The following RALYL variants were observed in gnomAD, a reference collection of about 807,000 sequenced individuals.
RALYL encodes RNA-binding Raly-like protein.
In RALYL, 29 loss-of-function variants were observed where a neutral mutation model predicts 35.1. That is an observed-to-expected ratio of 0.83 (90% CI 0.61 to 1.13). The LOEUF (loss-of-function observed/expected upper bound fraction) is 1.13. RALYL is among the 50% of genes most tolerant of loss of function. RALYL has a pLI of 0.00. For synonymous variants in RALYL, 120 were observed against 127.6 expected, an observed-to-expected ratio of 0.94 and a Z score of 0.40; for missense variants, 359 against 360.4, an observed-to-expected ratio of 1.00 and a Z score of 0.03.
At chr8:84,205,498 A>G (rs1817846792) in intron 1 of RALYL, among the ~76,000 whole-genome samples, 1 of 152,138 alleles carries the variant, frequency 6.6e-6, no homozygotes, top group Non-Finnish European at 1.5e-5. Context: ...TAACACATAT[A>G]CCACATATGC....
At chr8:84,507,708 G>C (rs955552979) in intron 1 of RALYL, among the ~76,000 whole-genome samples, 4 of 152,114 alleles carry the variant, frequency 2.6e-5, no homozygotes, top group African/African-American at 9.7e-5. Context: ...GCACTGAGAA[G>C]ATCTCACCTT....
At chr8:84,858,230 A>T (rs1837432603) in intron 5 of RALYL, among the ~76,000 whole-genome samples, 3 of 152,182 alleles carry the variant, frequency 2.0e-5, no homozygotes, top group African/African-American at 7.2e-5. Context: ...TAAAGAAATT[A>T]AATTCTCAAA....
At chr8:84,521,878 G>A (rs1292426432) in intron 1 of RALYL, among the ~76,000 whole-genome samples, 2 of 152,052 alleles carry the variant, frequency 1.3e-5, no homozygotes, top group African/African-American at 4.8e-5. Context: ...ATCTCCAGAT[G>A]AAAACACCTC....
At chr8:84,847,274 C>T (rs1464735422) in intron 4 of RALYL, among the ~76,000 whole-genome samples, 6 of 152,152 alleles carry the variant, frequency 3.9e-5, no homozygotes, top group South Asian at 2.1e-4. Flanking sequence ...AGGTCTGTGG[C>T]GAAAGTGGTT....
intron 2 of RALYL, among the ~76,000 whole-genome samples, chr8:84,570,801 G>A (rs973612840): frequency 4.0e-5 from 6 of 151,694 alleles, no homozygotes; most frequent in African/African-American, 1.5e-4. Flanking sequence ...ATGAAGCGAT[G>A]TTAGATTTTA....
chr8:84,628,682 G>A (rs1002837376), intron 2 of RALYL, among the ~76,000 whole-genome samples: 5 of 151,988 alleles, frequency 3.3e-5, no homozygotes, highest in South Asian at 4.1e-4. Context: ...GGACCATCAC[G>A]GTAGGGTGCT....
chr8:84,623,776 A>G (rs550134468), intron 2 of RALYL, among the ~76,000 whole-genome samples: 1 of 152,214 alleles, frequency 6.6e-6, no homozygotes, highest in Admixed American at 6.5e-5. Context: ...ATGCTGTGGG[A>G]AAAAAAGAGT....
chr8:84,444,492 G>A (rs923225327), intron 1 of RALYL, among the ~76,000 whole-genome samples: 4 of 152,040 alleles, frequency 2.6e-5, no homozygotes, highest in Admixed American at 6.6e-5. Flanking sequence ...TTTAGGTAAG[G>A]AGAATACCAG....
At chr8:84,733,657 T>C (rs1846665440) in intron 2 of RALYL, among the ~76,000 whole-genome samples, 1 of 152,178 alleles carries the variant, frequency 6.6e-6, no homozygotes, top group Non-Finnish European at 1.5e-5. Flanking sequence ...TTTGAATCCC[T>C]CCCTGTTCCT....
rs532199607 is a variant in RALYL at position 84,508,693 on chromosome 8, G to A, written c.-23-20606G>A. 9.2e-5 allele frequency among the ~76,000 whole-genome samples: 14 copies of A among 151,804 alleles called. No homozygotes were observed. In the South Asian group the frequency reaches 1.2e-3, roughly 14 times the overall value. The stretch of plus-strand genomic sequence containing the variant: ...TAAAAAAAGATGAATTTTTCCAAGC[G>A]TTTATGATTGGGTTTTATCAAAAAA... On this transcript the variant is annotated intron_variant, in intron 1 of 8. Transcript: ENST00000521268.
At chr8:84,709,569 A>G (rs143025522) in intron 2 of RALYL, among the ~76,000 whole-genome samples, 77 of 152,106 alleles carry the variant, frequency 5.1e-4, no homozygotes, top group African/African-American at 1.5e-3. Flanking sequence ...TTAAAAAAAA[A>G]CTATAGTACA....
chr8:84,784,830 T>G (rs987468396), intron 3 of RALYL, among the ~76,000 whole-genome samples: 2 of 152,222 alleles, frequency 1.3e-5, no homozygotes, highest in African/African-American at 4.8e-5. Context: ...ATCAGTTGGC[T>G]ATGCATGATG....
At chr8:84,543,607 A>G (rs1350657276) in intron 2 of RALYL, among the ~76,000 whole-genome samples, 1 of 152,112 alleles carries the variant, frequency 6.6e-6, no homozygotes, top group African/African-American at 2.4e-5. Flanking sequence ...GATTAAACAT[A>G]GTAGATATAT....
At chr8:84,326,106 T>C (rs78897862) in intron 1 of RALYL, among the ~76,000 whole-genome samples, 4,125 of 152,260 alleles carry the variant, frequency 0.027, 102 homozygotes, top group Non-Finnish European at 0.031. Flanking sequence ...AGCAAGACAC[T>C]GTCTCAAAAC....
At chr8:84,370,245 AACT>A (rs1351937736) in intron 1 of RALYL, among the ~76,000 whole-genome samples, 1 of 152,082 alleles carries the variant, frequency 6.6e-6, no homozygotes, top group African/African-American at 2.4e-5. Context: ...TTTACAGGGG[AACT>A]ACTACTACTT....
At chr8:84,553,919 T>A (rs1321271644) in intron 2 of RALYL, among the ~76,000 whole-genome samples, 1 of 152,200 alleles carries the variant, frequency 6.6e-6, no homozygotes, top group African/African-American at 2.4e-5. Flanking sequence ...ACATTTGCTG[T>A]TAAGATGAAT....
chr8:84,598,173 T>C (rs1297686797), intron 2 of RALYL, among the ~76,000 whole-genome samples: 1 of 152,130 alleles, frequency 6.6e-6, no homozygotes, highest in East Asian at 1.9e-4. Flanking sequence ...TCGCATTACT[T>C]ATTTATTTTT....
upstream of RALYL, chr8:84,182,927 G>T (rs1323618653): frequency 6.6e-6 from 1 of 152,330 alleles, no homozygotes; most frequent in African/African-American, 2.4e-5. Context: ...GAGAGAAGAC[G>T]ATGGGATCTC....
intron 1 of RALYL, among the ~76,000 whole-genome samples, chr8:84,244,848 A>G (rs946396969): frequency 6.6e-6 from 1 of 152,156 alleles, no homozygotes; most frequent in Non-Finnish European, 1.5e-5. Context: ...ACTTGTGAAG[A>G]TGGTGAAGGG....
Sources: gnomAD v4.1 joint callset for allele counts (sites outside exome capture counted in the v4.1 genomes callset) on GRCh38, gnomAD v4.1.1 for gene constraint, MANE v1.5 for transcripts, NCBI Gene and HGNC (gene_info 2026-07-23, HGNC 2026-07-21) for gene names.